LPIN1: variants seen among roughly 807,000 people sequenced by gnomAD.
LPIN1 encodes the protein lipin 1.
Under a neutral mutation model 107.5 loss-of-function variants are expected in LPIN1, and 71 were observed. The observed-to-expected ratio is 0.66, with a 90% confidence interval of 0.55 to 0.80. The LOEUF (loss-of-function observed/expected upper bound fraction) is 0.80, where lower values mean the gene tolerates loss of function less well. Ranked by LOEUF, LPIN1 falls within the 30% of genes least tolerant of loss-of-function variation. The pLI is 0.00. For missense variants in LPIN1, 1,043 were observed against 1,160.6 expected (o/e 0.90, Z 1.47); for synonymous variants, 445 against 452.6 (o/e 0.98, Z 0.21).
In LPIN1 at chr2:11,785,024, C is replaced by T. The variant is rs1674283862; in HGVS notation, c.1497C>T (p.Ser499=). 1.9e-6 allele frequency: 3 copies of T among 1,608,570 alleles called. No individual in the cohort carries two copies. The highest frequency in any genetic ancestry group is 1.7e-6 in the Non-Finnish European group (2 of 1,176,668). Residue 499 remains serine, a synonymous_variant, in exon 10 of 21, where the codon TCC becomes TCT. Transcript: ENST00000674199. ...CGGACGGGCTGAGGGACCTCCCTTC[C>T]ATCGCCATCTCCCTCTGCGGGGGCC... The part of the protein sequence containing the change: ...STSDGLRDLP[S]IAISLCGGLS...
chr2:11,731,603 T>C (rs7570139), intron 1 of LPIN1, among the ~76,000 whole-genome samples: 46,769 of 152,124 alleles, frequency 0.31, 11,467 homozygotes, highest in African/African-American at 0.68. Context: ...AATGAGATTG[T>C]TGGGTCAAAT....
chr2:11,692,793 A>G (rs1437739952), intron 1 of LPIN1, among the ~76,000 whole-genome samples: 1 of 152,214 alleles, frequency 6.6e-6, no homozygotes, highest in Non-Finnish European at 1.5e-5. Context: ...AAAAAAGGAC[A>G]ATGCTTACCT....
At chr2:11,801,834 G>T (rs1677799647) in intron 14 of LPIN1, among the ~76,000 whole-genome samples, 1 of 152,084 alleles carries the variant, frequency 6.6e-6, no homozygotes, top group African/African-American at 2.4e-5. Flanking sequence ...ATCATGGTAT[G>T]CATGATATTT....
intron 3 of LPIN1, among the ~76,000 whole-genome samples, chr2:11,770,078 T>C (rs1048555558): frequency 2.6e-5 from 4 of 152,244 alleles, no homozygotes; most frequent in East Asian, 3.8e-4. Context: ...AAAATACTAA[T>C]TGGTTCCTAA....
At chr2:11,739,954 G>C (rs1358353212) in intron 1 of LPIN1, among the ~76,000 whole-genome samples, 1 of 152,170 alleles carries the variant, frequency 6.6e-6, no homozygotes, top group Non-Finnish European at 1.5e-5. Flanking sequence ...AATGAGAGGG[G>C]ATTTAATTTG....
intron 1 of LPIN1, among the ~76,000 whole-genome samples, chr2:11,692,283 CCTTGGCACATA>C (rs896065282): frequency 3.3e-3 from 472 of 144,540 alleles, no homozygotes; most frequent in East Asian, 0.021. Flanking sequence ...TTCCTTCTTG[CCTTGGCACATA>C]CTTGGCACAT....
In LPIN1 at chr2:11,824,718, T is replaced by G; in HGVS notation, c.2708T>G (p.Phe903Cys). ...TCAGACTTTCCCTGTTCGGATACCT[T>G]CAGTAACTTCACCTTTTGGAGAGAG... is the stretch of plus-strand genomic sequence containing the variant. ...HSSDFPCSDT[F>C]SNFTFWREPL... The change falls in exon 21 of 21, where the codon TTC (phenylalanine) becomes TGC (cysteine). Residue 903 changes from phenylalanine to cysteine, a missense_variant. By Grantham distance (205) the Phe-to-Cys change is radical. Transcript: ENST00000674199. 1 of 1,614,188 alleles carries G rather than the reference T, an allele frequency of 6.2e-7. No individual in the cohort carries two copies. Among genetic ancestry groups the G allele is most frequent in the South Asian group, 1.1e-5 (1 of 91,084 alleles).
rs1006323183 is a variant in LPIN1, at chr2:11,774,511, C to T, written c.722+766C>T. 6.6e-6 allele frequency among the ~76,000 whole-genome samples: 1 copy of T among 152,150 alleles called. No individual in the cohort carries two copies. Among genetic ancestry groups the T allele is most frequent in the African/African-American group, 2.4e-5 (1 of 41,432 alleles). ...GGGTGGAGTTGGGCTATTAATTTCT[C>T]AGAATGCTCAGGGGCATGTTGATAA... On this transcript the variant is annotated intron_variant, in intron 5 of 20. Coordinates refer to ENST00000674199, the MANE Select transcript of LPIN1 (RefSeq NM_001349206.2). This position sits in a 1 kb window ranked among gnomAD's most constrained non-coding sequence, Gnocchi z 4.4.
chr2:11,814,490 A>C (rs1290808143), intron 17 of LPIN1, among the ~76,000 whole-genome samples: 1 of 149,294 alleles, frequency 6.7e-6, no homozygotes, highest in African/African-American at 2.5e-5. Context: ...GAGAGAGACT[A>C]AGGATGTTTT....
Position 11,824,990 on chromosome 2 carries a change from T to C in LPIN1, c.*199T>C. The C allele has an allele frequency of 3.2e-6, 2 of 625,914 alleles. No individual in the cohort carries two copies. The highest frequency in any genetic ancestry group is 5.6e-6 in the Non-Finnish European group (2 of 358,632). 38.8% of individuals were successfully genotyped at this position (625,914 alleles called of 1,614,324 possible). A position where few individuals can be genotyped will look rare whatever the true frequency, so the allele number is the denominator to read the frequency against. ...TAAGCAAGATAGGAAGGGAGCACTT[T>C]CTAGGCTAGGAGTTGGGTGCATTTG... On this transcript the variant is annotated 3_prime_UTR_variant, in exon 21 of 21. Coordinates refer to ENST00000674199, the MANE Select transcript of LPIN1 (RefSeq NM_001349206.2).
chr2:11,744,627 C>T (rs554173253), upstream of LPIN1, among the ~76,000 whole-genome samples: 76 of 152,348 alleles, frequency 5.0e-4, no homozygotes, highest in African/African-American at 1.8e-3. Context: ...CCCATCTCCA[C>T]ATTTGAATAA....
chr2:11,765,467 AT>A lies in LPIN1; in HGVS notation c.-9-62del. Reference sequence around the variant, plus strand: ...ACGTTTTTGAAATGGTGAGGAGTTCATTTTGATTGGCTCTTCCTTGGATTAA... The same window carrying A: ...ACGTTTTTGAAATGGTGAGGAGTTCATTTGATTGGCTCTTCCTTGGATTAA... On this transcript the variant is annotated intron_variant, in intron 1 of 20. Coordinates refer to ENST00000674199, the MANE Select transcript of LPIN1 (RefSeq NM_001349206.2). This position sits in a 1 kb window ranked among gnomAD's most constrained non-coding sequence, Gnocchi z 4.4. The A allele has an allele frequency of 1.3e-6, 2 of 1,483,948 alleles. No individual in the cohort carries two copies. Among genetic ancestry groups the A allele is most frequent in the Non-Finnish European group, 1.8e-6 (2 of 1,082,640 alleles). 91.9% of individuals were successfully genotyped at this position (1,483,948 alleles called of 1,614,324 possible).
intron 1 of LPIN1, among the ~76,000 whole-genome samples, chr2:11,693,824 T>TTA (rs1662433531): frequency 2.2e-5 from 1 of 45,996 alleles, no homozygotes. Context: ...ATATATATAT[T>TTA]TTTTTTTTTT....
chr2:11,782,290 A>G lies in LPIN1; in HGVS notation c.1047A>G (p.Glu349=), dbSNP rs753645309. Residue 349 remains glutamate, a synonymous_variant, in exon 8 of 21, where the codon GAA becomes GAG. Transcript: ENST00000674199. ...GTCACTTTCAGGCCATTCACAGCGA[A>G]TCTTCAGACACTTTTAGTGACCAAT... is the stretch of plus-strand genomic sequence containing the variant. ...DKSHFQAIHS[E]SSDTFSDQSP... 1 of 1,614,214 alleles carries G rather than the reference A, an allele frequency of 6.2e-7. No individual in the cohort carries two copies. Among genetic ancestry groups the G allele is most frequent in the Admixed American group, 1.7e-5 (1 of 60,022 alleles).
At chr2:11,705,299 A>G (rs1558734782) in intron 1 of LPIN1, among the ~76,000 whole-genome samples, 2 of 152,002 alleles carry the variant, frequency 1.3e-5, no homozygotes, top group Non-Finnish European at 2.9e-5. Flanking sequence ...AAAAAAAATC[A>G]CCTTTATTTT....
At chr2:11,686,491 C>G (rs1364137940) in intron 1 of LPIN1, among the ~76,000 whole-genome samples, 3 of 152,112 alleles carry the variant, frequency 2.0e-5, no homozygotes, top group African/African-American at 7.2e-5. Flanking sequence ...AAGGACGGTG[C>G]TGGAGGGTCT....
At position 11,819,544 on chromosome 2, in the gene LPIN1, C is replaced by T; in HGVS notation, c.2463C>T (p.Asn821=). The T allele has an allele frequency of 1.9e-6, 3 of 1,614,108 alleles. No homozygotes were observed. Among genetic ancestry groups the T allele is most frequent in the Non-Finnish European group, 2.5e-6 (3 of 1,179,958 alleles). The change falls in exon 19 of 21, where the codon AAC becomes AAT. Residue 821 remains asparagine (N), a synonymous_variant. Coordinates refer to ENST00000674199, the MANE Select transcript of LPIN1 (RefSeq NM_001349206.2). ...FKVQCLTDIK[N]LFFPNTEPFY... is the part of the protein sequence containing the mutation. ...TCCAGTGTTTGACAGACATCAAAAA[C>T]CTGTTTTTCCCCAACACAGAACCCT...
At chr2:11,759,870 C>A (rs1446325346) in intron 1 of LPIN1, among the ~76,000 whole-genome samples, 3 of 132,878 alleles carry the variant, frequency 2.3e-5, no homozygotes, top group Non-Finnish European at 3.3e-5. Context: ...CTGCCCCCCA[C>A]CTCCCTCCCG....
In LPIN1 at chr2:11,677,686, G is replaced by C. The variant is rs4669769; in HGVS notation, c.39G>C (p.Glu13Asp). 974,578 of 1,535,318 alleles carry C rather than the reference G, an allele frequency of 0.63. 315,062 individuals carry two copies. The highest frequency in any genetic ancestry group is 0.66 in the Non-Finnish European group (761,461 of 1,146,646). The change falls in exon 1 of 22, where the codon GAG (glutamate) becomes GAC (aspartate). Residue 13 changes from glutamate to aspartate, a missense_variant. Glu to Asp is a conservative substitution (Grantham distance 45). Transcript: ENST00000449576. Reference sequence around the variant, plus strand: ...ACGGCATTCGCAGCTCCAGCTGGGAGACCTCGCAGGGCAAGAGCTCCCCAG... The same window carrying C: ...ACGGCATTCGCAGCTCCAGCTGGGACACCTCGCAGGGCAAGAGCTCCCCAG...
Sources: gnomAD v4.1 joint callset for allele counts (sites outside exome capture counted in the v4.1 genomes callset) on GRCh38, gnomAD v4.1.1 for gene constraint, Gnocchi (gnomAD v3.1) non-coding constraint, MANE v1.5 for transcripts, NCBI Gene and HGNC (gene_info 2026-07-23, HGNC 2026-07-21) for gene names.